The following SNTG2 variants were observed in gnomAD, a reference collection of about 807,000 sequenced individuals.
The protein encoded by SNTG2 is gamma-2-syntrophin.
A neutral mutation model predicts 70.9 loss-of-function variants in SNTG2; 74 were observed. The ratio of observed to expected loss-of-function variants is 1.04; its 90% CI spans 0.86 to 1.27. The LOEUF (loss-of-function observed/expected upper bound fraction) is 1.27, where lower values mean the gene tolerates loss of function less well. SNTG2 is among the 50% of genes most tolerant of loss of function. SNTG2 has a pLI of 0.00. For synonymous variants in SNTG2, 278 were observed against 273.8 expected (o/e 1.02, Z -0.15); for missense variants, 717 against 690.7 (o/e 1.04, Z -0.43).
chr2:1,204,506 A>C (rs944767865), intron 8 of SNTG2, among the ~76,000 whole-genome samples: 1 of 152,214 alleles, frequency 6.6e-6, no homozygotes, highest in African/African-American at 2.4e-5. Flanking sequence ...CCACATTCTG[A>C]AATATTACAT....
chr2:1,326,480 G>A (rs1246435805), intron 16 of SNTG2, among the ~76,000 whole-genome samples: 3 of 152,132 alleles, frequency 2.0e-5, no homozygotes, highest in East Asian at 3.9e-4. Flanking sequence ...TTTAAACAAA[G>A]TGATAATCAA....
intron 6 of SNTG2, among the ~76,000 whole-genome samples, chr2:1,146,958 A>G (rs539747565): frequency 4.1e-4 from 62 of 152,324 alleles, no homozygotes; most frequent in African/African-American, 1.4e-3. Flanking sequence ...TTGTGCATGT[A>G]TACACTTGTA....
chr2:1,110,374 A>T (rs1024915283), intron 4 of SNTG2, among the ~76,000 whole-genome samples: 1 of 152,250 alleles, frequency 6.6e-6, no homozygotes, highest in Non-Finnish European at 1.5e-5. Context: ...TGCCATGCAC[A>T]TGCCTTCATT....
intron 4 of SNTG2, among the ~76,000 whole-genome samples, chr2:1,134,286 T>A (rs1410237719): frequency 1.3e-5 from 2 of 152,192 alleles, no homozygotes; most frequent in East Asian, 3.9e-4. Flanking sequence ...GCCGGGATCC[T>A]GCTTTTATTC....
At chr2:1,357,370 T>C (rs868798303) in intron 16 of SNTG2, among the ~76,000 whole-genome samples, 1 of 152,168 alleles carries the variant, frequency 6.6e-6, no homozygotes, top group African/African-American at 2.4e-5. Context: ...CTGAGTTTTG[T>C]TGAATGCTTT....
chr2:1,222,562 T>A (rs150480326), intron 9 of SNTG2, among the ~76,000 whole-genome samples: 1 of 23,544 alleles, frequency 4.2e-5, no homozygotes, highest in Admixed American at 4.4e-4. Context: ...AGGAAAGCGG[T>A]GCAGTGATGG....
chr2:980,719 C>CAT (rs1044312650), intron 1 of SNTG2, among the ~76,000 whole-genome samples: 13 of 151,784 alleles, frequency 8.6e-5, no homozygotes, highest in African/African-American at 3.1e-4. Flanking sequence ...CACACACACA[C>CAT]ATTTATATAT....
intron 14 of SNTG2, among the ~76,000 whole-genome samples, chr2:1,273,162 C>G (rs7423531): frequency 0.019 from 2,920 of 152,240 alleles, 146 homozygotes; most frequent in Admixed American, 0.12. Flanking sequence ...AGCTGTCATC[C>G]TTCCACACAG....
intron 1 of SNTG2, among the ~76,000 whole-genome samples, chr2:999,481 T>C (rs1661796370): frequency 6.6e-6 from 1 of 151,896 alleles, no homozygotes; most frequent in South Asian, 2.1e-4. Context: ...CCAAAAACAA[T>C]GATGAGTAGT....
chr2:1,258,660 A>T (rs1411818208), intron 12 of SNTG2, among the ~76,000 whole-genome samples: 1 of 152,210 alleles, frequency 6.6e-6, no homozygotes. Flanking sequence ...GTCAACAATA[A>T]AAAACATCAA....
chr2:1,147,790 C>T (rs4998209), intron 6 of SNTG2, among the ~76,000 whole-genome samples: 59,004 of 151,858 alleles, frequency 0.39, 12,492 homozygotes, highest in East Asian at 0.83. Context: ...AGTTGTGTGG[C>T]ATGAAATGCG....
chr2:1,094,135 A>G (rs1290694802), intron 2 of SNTG2, among the ~76,000 whole-genome samples: 4 of 123,924 alleles, frequency 3.2e-5, no homozygotes, highest in Non-Finnish European at 5.0e-5. Flanking sequence ...CGAAGGCCTT[A>G]TAGGTGTGTC....
intron 1 of SNTG2, among the ~76,000 whole-genome samples, chr2:1,082,843 CTG>C (rs777285979): frequency 1.3e-5 from 2 of 152,224 alleles, no homozygotes; most frequent in Non-Finnish European, 2.9e-5. Context: ...TCTTTCTGAA[CTG>C]TCTTTCCTTC....
At chr2:1,169,357 A>G (rs531431387) in intron 7 of SNTG2, among the ~76,000 whole-genome samples, 2 of 152,208 alleles carry the variant, frequency 1.3e-5, no homozygotes, top group East Asian at 3.9e-4. Flanking sequence ...CTCTCAGGCA[A>G]GGTGACTTCA....
rs115410751 is a variant in SNTG2 at position 1,328,300 on chromosome 2, C to T, written c.1488+11925C>T. On this transcript the variant is annotated intron_variant, in intron 16 of 16. Coordinates refer to ENST00000308624, the MANE Select transcript of SNTG2 (RefSeq NM_018968.4). ...TAATATACAAACATGTGGATAGACA[C>T]GTACATGCATGCAGATACAACATAT... 3.8e-3 allele frequency among the ~76,000 whole-genome samples: 584 copies of T among 152,204 alleles called. 4 individuals carry two copies. The highest frequency in any genetic ancestry group is 0.013 in the African/African-American group (554 of 41,520).
chr2:1,349,995 A>C (rs563811900), intron 16 of SNTG2, among the ~76,000 whole-genome samples: 1 of 152,322 alleles, frequency 6.6e-6, no homozygotes, highest in East Asian at 1.9e-4. Flanking sequence ...GGAGGGGATA[A>C]CAACTTATAA....
intron 11 of SNTG2, among the ~76,000 whole-genome samples, 178 bp downstream of exon 11, chr2:1,239,954 G>A (rs1676942277): frequency 6.6e-6 from 1 of 152,150 alleles, no homozygotes; most frequent in Non-Finnish European, 1.5e-5. Context: ...TGCCCTGCCT[G>A]TTAATTCTAT....
intron 6 of SNTG2, among the ~76,000 whole-genome samples, chr2:1,155,615 G>A (rs12714393): frequency 0.78 from 118,433 of 151,892 alleles, 47,067 homozygotes; most frequent in Non-Finnish European, 0.86. Context: ...CGTCAGCCCT[G>A]GCCGTGGTGG....
At chr2:993,654 A>G (rs1661578407) in intron 1 of SNTG2, among the ~76,000 whole-genome samples, 1 of 152,148 alleles carries the variant, frequency 6.6e-6, no homozygotes, top group Non-Finnish European at 1.5e-5. Context: ...CACCAGCAGT[A>G]TATGAAAATT....
Sources: gnomAD v4.1 joint callset for allele counts (sites outside exome capture counted in the v4.1 genomes callset) on GRCh38, gnomAD v4.1.1 for gene constraint, MANE v1.5 for transcripts, NCBI Gene and HGNC (gene_info 2026-07-23, HGNC 2026-07-21) for gene names.